Variants in LYPD6B observed in about 807,000 individuals in gnomAD.
LYPD6B encodes ly6/PLAUR domain-containing protein 6B.
Under a neutral mutation model 22.8 loss-of-function variants are expected in LYPD6B, and 17 were observed. The ratio of observed to expected loss-of-function variants is 0.75; its 90% CI spans 0.51 to 1.12. The LOEUF is 1.12. Ranked by LOEUF, LYPD6B falls within the 50% of genes most tolerant of loss-of-function variation. The probability of loss-of-function intolerance (pLI) is 0.00; values close to 1 mark genes in which losing one functional copy is unlikely to be tolerated. For missense variants in LYPD6B, 221 were observed against 258.3 expected (o/e 0.86, Z 0.99); for synonymous variants, 106 against 91.6 (o/e 1.16, Z -0.90).
At chr2:149,122,481 A>G (rs187984704) in intron 1 of LYPD6B, among the ~76,000 whole-genome samples, 39 of 150,892 alleles carry the variant, frequency 2.6e-4, no homozygotes, top group African/African-American at 8.8e-4. Flanking sequence ...CAGGTTTGGT[A>G]CATATGTATA....
intron 1 of LYPD6B, among the ~76,000 whole-genome samples, chr2:149,064,101 CA>C (rs1233222911): frequency 3.9e-5 from 6 of 152,168 alleles, no homozygotes; most frequent in African/African-American, 4.8e-5. Context: ...GTTTTTTATA[CA>C]AAATGTTTTG....
chr2:149,163,692 C>T (rs1458768939), intron 3 of LYPD6B, among the ~76,000 whole-genome samples: 2 of 152,138 alleles, frequency 1.3e-5, no homozygotes, highest in East Asian at 3.9e-4. Flanking sequence ...ATTTATGGAA[C>T]TTGCTATTTT....
At chr2:149,111,503 G>C (rs1686758101) in intron 1 of LYPD6B, among the ~76,000 whole-genome samples, 1 of 152,084 alleles carries the variant, frequency 6.6e-6, no homozygotes, top group Non-Finnish European at 1.5e-5. Context: ...GCTTAAGAGT[G>C]ATTTCAAGGT....
chr2:149,074,914 G>A (rs1684810736), intron 1 of LYPD6B, among the ~76,000 whole-genome samples: 1 of 152,040 alleles, frequency 6.6e-6, no homozygotes, highest in Non-Finnish European at 1.5e-5. Context: ...TCCTCCTCCA[G>A]GCAGCTAGTT....
chr2:149,205,150 G>A (rs950030499), intron 3 of LYPD6B, 103 bp from the exon 4 acceptor site: 2 of 1,203,218 alleles, frequency 1.7e-6, no homozygotes, highest in African/African-American at 3.1e-5. Flanking sequence ...ACAGGTAGAT[G>A]GTTGGATATA....
At chr2:149,131,084 G>T in intron 2 of LYPD6B, 131 bp downstream of exon 2, 1 of 658,776 alleles carries the variant, frequency 1.5e-6, no homozygotes, top group Non-Finnish European at 2.7e-6. Context: ...TTAATCTCAG[G>T]GATTATGCTG....
At chr2:149,120,361 G>GTATATATATATATA (rs764587788) in intron 1 of LYPD6B, among the ~76,000 whole-genome samples, 3 of 38,758 alleles carry the variant, frequency 7.7e-5, no homozygotes, top group African/African-American at 5.3e-4. Context: ...GTGTGTGTGT[G>GTATATATATATATA]TATATATATA....
chr2:149,041,708 G>A (rs1197223571), intron 1 of LYPD6B, among the ~76,000 whole-genome samples: 1 of 152,204 alleles, frequency 6.6e-6, no homozygotes, highest in Non-Finnish European at 1.5e-5. Context: ...CAATACCATG[G>A]GAGATGCCTA....
intron 1 of LYPD6B, among the ~76,000 whole-genome samples, chr2:149,074,239 C>T (rs6741409): frequency 0.016 from 2,421 of 150,142 alleles, 60 homozygotes; most frequent in African/African-American, 0.056. Flanking sequence ...TGATGGCACA[C>T]GTGCACACAC....
chr2:149,174,056 T>A lies in LYPD6B; in HGVS notation c.77+13221T>A, dbSNP rs1004443300. On this transcript the variant is annotated intron_variant, in intron 3 of 6. Coordinates refer to ENST00000409642, the MANE Select transcript of LYPD6B (RefSeq NM_177964.5). ...AATGTTTTTCCATTTATTTGTGTCATCTCTGATTTCTTTGAGCAGTGGTTT... is the reference window on the plus strand; with the variant it reads ...AATGTTTTTCCATTTATTTGTGTCAACTCTGATTTCTTTGAGCAGTGGTTT... 1.3e-5 allele frequency among the ~76,000 whole-genome samples: 2 copies of A among 152,242 alleles called. 1 individual carries two copies. The highest frequency in any genetic ancestry group is 3.8e-4 in the East Asian group (2 of 5,206).
intron 1 of LYPD6B, among the ~76,000 whole-genome samples, chr2:149,105,514 T>C (rs1333811377): frequency 2.1e-4 from 32 of 152,224 alleles, no homozygotes; most frequent in Admixed American, 2.1e-3. Context: ...TGAATAATTC[T>C]TTCACATTAT....
intron 1 of LYPD6B, among the ~76,000 whole-genome samples, chr2:149,041,098 C>CAAAAA (rs552623435): frequency 4.5e-5 from 5 of 110,772 alleles, no homozygotes; most frequent in African/African-American, 1.1e-4. Context: ...GACTCCGTCT[C>CAAAAA]AAAAAAAAAA....
chr2:149,118,552 TC>T (rs1454785900), intron 1 of LYPD6B, among the ~76,000 whole-genome samples: 1 of 152,156 alleles, frequency 6.6e-6, no homozygotes, highest in Non-Finnish European at 1.5e-5. Context: ...TGTCTCTGAA[TC>T]CAAATATTTT....
chr2:149,203,383 C>A (rs72983293), intron 3 of LYPD6B, among the ~76,000 whole-genome samples: 3,533 of 152,238 alleles, frequency 0.023, 123 homozygotes, highest in African/African-American at 0.081. Context: ...TAGTCTCCCC[C>A]ACACAAAGGG....
chr2:149,167,913 T>C (rs1271757694), intron 3 of LYPD6B, among the ~76,000 whole-genome samples: 1 of 152,106 alleles, frequency 6.6e-6, no homozygotes, highest in African/African-American at 2.4e-5. Context: ...TTTTTGTTTT[T>C]GTTTTTTTAA....
chr2:149,198,757 G>A (rs1048770707), intron 3 of LYPD6B, among the ~76,000 whole-genome samples: 2 of 148,114 alleles, frequency 1.4e-5, no homozygotes, highest in African/African-American at 4.9e-5. Flanking sequence ...TTGATCCTAT[G>A]CTTGATGAGA....
chr2:149,189,568 CA>C (rs1692363779), intron 3 of LYPD6B, among the ~76,000 whole-genome samples: 1 of 151,368 alleles, frequency 6.6e-6, no homozygotes, highest in African/African-American at 2.4e-5. Context: ...AGCTGGGGGA[CA>C]AAAAAGTTGG....
intron 1 of LYPD6B, among the ~76,000 whole-genome samples, chr2:149,056,417 A>G (rs533953974): frequency 6.6e-6 from 1 of 152,296 alleles, no homozygotes; most frequent in South Asian, 2.1e-4. Flanking sequence ...GAAACAGGTG[A>G]CCAATGTGGG....
intron 1 of LYPD6B, among the ~76,000 whole-genome samples, chr2:149,125,990 C>T (rs1292960439): frequency 6.6e-6 from 1 of 152,194 alleles, no homozygotes; most frequent in Non-Finnish European, 1.5e-5. Context: ...TCTCCTACCA[C>T]TTTGAAGATA....
Sources: gnomAD v4.1 joint callset for allele counts (sites outside exome capture counted in the v4.1 genomes callset) on GRCh38, gnomAD v4.1.1 for gene constraint, MANE v1.5 for transcripts, NCBI Gene and HGNC (gene_info 2026-07-23, HGNC 2026-07-21) for gene names.